Variants in IDI1 observed in about 807,000 individuals in gnomAD.
The protein encoded by IDI1 is isopentenyl-diphosphate Delta-isomerase 1.
IDI1 carries 23 observed loss-of-function variants against 32.9 expected under a neutral mutation model. The ratio of observed to expected loss-of-function variants is 0.70; its 90% CI spans 0.50 to 0.99. The LOEUF is 0.99. IDI1 is among the 50% of genes least tolerant of loss of function. The pLI is 0.00. For synonymous variants in IDI1, 133 were observed against 128.2 expected (o/e 1.04, Z -0.25); for missense variants, 326 against 351.9 (o/e 0.93, Z 0.59).
upstream of IDI1, chr10:1,049,136 T>TTTAAAGG: frequency 1.5e-6 from 2 of 1,376,724 alleles, no homozygotes; most frequent in Non-Finnish European, 1.9e-6. Flanking sequence ...GACCGCGGGC[T>TTTAAAGG]CTGGCGCCTT....
chr10:1,055,595 A>C, the IDI1 span, among the ~76,000 whole-genome samples: 22,955 of 152,188 alleles, frequency 0.15, 2,016 homozygotes, highest in East Asian at 0.19. Context: ...ACAACCTCTA[A>C]AAGTTTAAAA....
intron 2 of IDI1, 73 bp downstream of exon 2, chr10:1,043,926 A>C: frequency 7.8e-7 from 1 of 1,281,968 alleles, no homozygotes; most frequent in Non-Finnish European, 1.1e-6. Flanking sequence ...TTCCTTGAAC[A>C]GAGTGCTCTT....
At position 1,039,943 on chromosome 10, in the gene IDI1, CT is replaced by C. The variant is rs755808024; in HGVS notation, c.*1243del. Reference sequence around the variant, plus strand: ...ATTTTTTTTACTTTTCAATAAAATACTTGCTAAACAGTCTTGTCTGAAATTA... The same window carrying C: ...ATTTTTTTTACTTTTCAATAAAATACTGCTAAACAGTCTTGTCTGAAATTA... On this transcript the variant is annotated 3_prime_UTR_variant, in exon 5 of 5. Coordinates refer to ENST00000381344, the MANE Select transcript of IDI1 (RefSeq NM_004508.4). 1.3e-5 allele frequency: 2 copies of C among 152,162 alleles called. No individual in the cohort carries two copies. Among genetic ancestry groups the C allele is most frequent in the Admixed American group, 6.5e-5 (1 of 15,280 alleles). 9.4% of individuals were successfully genotyped at this position (152,162 alleles called of 1,614,324 possible).
chr10:1,042,748 T>C lies in IDI1; in HGVS notation c.421A>G (p.Thr141Ala). ...TTGCTTAATGGATGACTACAACACG[T>C]ATTCGTAAAACAACCTGGAAAATGG... Reference protein sequence around the residue: ...KITFPGCFTNTCCSHPLSNPA... With the variant: ...KITFPGCFTNACCSHPLSNPA... Residue 141 changes from threonine to alanine, a missense_variant, in exon 4 of 5, where the codon ACG becomes GCG. Around this residue, in one of 2 missense-constraint regions of IDI1, gnomAD observed 205 missense variants for 273.5 expected, o/e 0.75. Coordinates refer to ENST00000381344, the MANE Select transcript of IDI1 (RefSeq NM_004508.4). The C allele has an allele frequency of 6.2e-7, 1 of 1,613,874 alleles. No individual in the cohort carries two copies. The highest frequency in any genetic ancestry group is 8.5e-7 in the Non-Finnish European group (1 of 1,179,852).
the IDI1 span, among the ~76,000 whole-genome samples, chr10:1,054,667 TA>T: frequency 6.6e-6 from 1 of 152,246 alleles, no homozygotes; most frequent in Non-Finnish European, 1.5e-5. Context: ...TTGTGTCTTT[TA>T]AAAAAATTAC....
chr10:1,041,992 A>G (rs1023887903), intron 4 of IDI1, among the ~76,000 whole-genome samples: 3 of 151,952 alleles, frequency 2.0e-5, no homozygotes, highest in Non-Finnish European at 4.4e-5. Context: ...TATTTTTAGT[A>G]GAGACGGAGT....
At position 1,049,036 on chromosome 10, in the gene IDI1, C is replaced by A. The variant is rs930436789; in HGVS notation, c.-33G>T. On this transcript the variant is annotated 5_prime_UTR_variant, in exon 1 of 5. Coordinates refer to ENST00000381344, the MANE Select transcript of IDI1 (RefSeq NM_004508.4). ...CCAATTGGCGCCCGTACGCGCTTGA[C>A]GACACAATCTCGCCAAGCTTCGCCT... The A allele has an allele frequency of 1.4e-6, 2 of 1,463,994 alleles. No individual in the cohort carries two copies. Among genetic ancestry groups the A allele is most frequent in the Non-Finnish European group, 1.8e-6 (2 of 1,117,162 alleles). The allele number at this position is 1,463,994 out of a possible 1,614,324, so 90.7% of individuals were successfully genotyped here.
At chr10:1,046,135 G>A (rs1161452257) in intron 1 of IDI1, among the ~76,000 whole-genome samples, 4 of 152,150 alleles carry the variant, frequency 2.6e-5, no homozygotes, top group Non-Finnish European at 5.9e-5. Flanking sequence ...AAAATTTGAG[G>A]ATGCTGAAGT....
the IDI1 span, among the ~76,000 whole-genome samples, chr10:1,054,811 G>A: frequency 6.6e-6 from 1 of 152,192 alleles, no homozygotes; most frequent in Non-Finnish European, 1.5e-5. Flanking sequence ...TTGTGGATAT[G>A]ATTAGTTAAC....
chr10:1,048,216 T>C, intron 1 of IDI1: 1 of 1,294,150 alleles, frequency 7.7e-7, no homozygotes, highest in Non-Finnish European at 1.0e-6. Context: ...CTAAGCTGCA[T>C]AATCACAAGA....
At chr10:1,055,844 T>A in the IDI1 span, among the ~76,000 whole-genome samples, 1 of 152,226 alleles carries the variant, frequency 6.6e-6, no homozygotes, top group East Asian at 1.9e-4. Flanking sequence ...GGAGGCTCGC[T>A]CTGTCCCAGG....
upstream of IDI1, chr10:1,049,150 G>A (rs1174916778): frequency 1.5e-6 from 2 of 1,321,946 alleles, no homozygotes; most frequent in South Asian, 1.6e-5. Flanking sequence ...GCGCCTTTAA[G>A]GGGGTCAACA....
intron 3 of IDI1, 41 bp downstream of exon 3, chr10:1,043,260 T>C (rs1189493765): frequency 2.5e-6 from 3 of 1,193,286 alleles, no homozygotes; most frequent in Non-Finnish European, 3.7e-6. Flanking sequence ...AAAGTCAAAT[T>C]AATGTACAAA....
chr10:1,049,955 CTA>C (rs924565815), upstream of IDI1, among the ~76,000 whole-genome samples: 98 of 152,282 alleles, frequency 6.4e-4, no homozygotes, highest in African/African-American at 2.1e-3. Context: ...GCCTAGCCCT[CTA>C]AACTTTTAAA....
chr10:1,048,918 GCA>G lies in IDI1; in HGVS notation c.84_85del (p.Ala29SerfsTer31), dbSNP rs759341361. ...CGGTCCCGGATGGCGCCCGCTTTGAGCACAGTCTGCGGCGCGCACCGCCCACT... is the reference window on the plus strand; with the variant it reads ...CGGTCCCGGATGGCGCCCGCTTTGAGCAGTCTGCGGCGCGCACCGCCCACT... On this transcript the variant is annotated frameshift_variant, in exon 1 of 5. Transcript: ENST00000381344. LOFTEE classifies it high-confidence loss of function. 1.2e-5 allele frequency: 19 copies of G among 1,602,272 alleles called. No individual in the cohort carries two copies. Among genetic ancestry groups the G allele is most frequent in the Admixed American group, 5.0e-5 (3 of 59,588 alleles).
In IDI1 at chr10:1,048,886, CA is replaced by C. The variant is rs1405181270; in HGVS notation, c.117del (p.Val40SerfsTer6). On this transcript the variant is annotated frameshift_variant, in exon 1 of 5. Coordinates refer to ENST00000381344, the MANE Select transcript of IDI1 (RefSeq NM_004508.4). LOFTEE classifies it high-confidence loss of function. Reference protein sequence around the residue: ...AQSGRHPGPAVVCGRRLISVL... With the variant: ...AQSGRHPGPAXVCGRRLISVL... ...TACCTGATCAGCCTCCGGCCACAGA[CA>C]ACCGCCGGTCCCGGATGGCGCCCGC... The C allele has an allele frequency of 6.2e-7, 1 of 1,604,112 alleles. No individual in the cohort carries two copies. Among genetic ancestry groups the C allele is most frequent in the African/African-American group, 1.3e-5 (1 of 74,114 alleles).
At chr10:1,041,998 G>A (rs1415532481) in intron 4 of IDI1, among the ~76,000 whole-genome samples, 1 of 151,804 alleles carries the variant, frequency 6.6e-6, no homozygotes, top group East Asian at 1.9e-4. Context: ...TAGTAGAGAC[G>A]GAGTTTCACC....
chr10:1,043,437 G>C, intron 2 of IDI1, 44 bp from the exon 3 acceptor site: 1 of 1,209,322 alleles, frequency 8.3e-7, no homozygotes, highest in Non-Finnish European at 1.2e-6. Flanking sequence ...TTAAGTACCA[G>C]TTATTTGCCA....
chr10:1,054,167 C>T, the IDI1 span, among the ~76,000 whole-genome samples: 1 of 152,172 alleles, frequency 6.6e-6, no homozygotes, highest in Non-Finnish European at 1.5e-5. Flanking sequence ...TGAGCACATA[C>T]TGTTAGAAAG....
Sources: allele counts gnomAD v4.1 joint callset (sites outside exome capture counted in the v4.1 genomes callset), GRCh38; gene constraint gnomAD v4.1.1; regional missense constraint gnomAD v4.1.1; transcripts MANE v1.5; gene names NCBI Gene and HGNC (gene_info 2026-07-23, HGNC 2026-07-21).